The following ELL variants were observed in gnomAD, a reference collection of about 807,000 sequenced individuals.
ELL encodes RNA polymerase II elongation factor ELL.
Under a neutral mutation model 64.0 loss-of-function variants are expected in ELL, and 18 were observed. That is an observed-to-expected ratio of 0.28 (90% CI 0.19 to 0.42). ELL has a LOEUF of 0.42. Ranked by LOEUF, ELL falls within the 10% of genes least tolerant of loss-of-function variation. The probability of loss-of-function intolerance (pLI) is 1.00; values close to 1 mark genes in which losing one functional copy is unlikely to be tolerated. For missense variants in ELL, 797 were observed against 870.4 expected (o/e 0.92, Z 1.06); for synonymous variants, 399 against 376.2 (o/e 1.06, Z -0.70).
intron 1 of ELL, among the ~76,000 whole-genome samples, chr19:18,495,486 C>T (rs1250232432): frequency 6.6e-6 from 1 of 152,228 alleles, no homozygotes; most frequent in Non-Finnish European, 1.5e-5. Context: ...CTGAGTAGCA[C>T]AGCTTGCAAC....
rs573386973 is a variant in ELL, at chr19:18,444,196, G to A, written c.*556C>T. 4 of 231,438 alleles carry A rather than the reference G, an allele frequency of 1.7e-5. No homozygotes were observed. The highest frequency in any genetic ancestry group is 6.1e-5 in the East Asian group (1 of 16,360). 14.3% of individuals were successfully genotyped at this position (231,438 alleles called of 1,614,324 possible). A position where few individuals can be genotyped will look rare whatever the true frequency, so the allele number is the denominator to read the frequency against. On this transcript the variant is annotated 3_prime_UTR_variant, in exon 12 of 12. Transcript: ENST00000262809. ...AGGCTGGGGAAAGGGGTGCCTAAAC[G>A]TAGAGCCAGAGACCAGCAGAGGCCA...
At chr19:18,464,139 C>T (rs1024672699) in intron 4 of ELL, among the ~76,000 whole-genome samples, 11 of 152,142 alleles carry the variant, frequency 7.2e-5, no homozygotes, top group African/African-American at 2.2e-4. Context: ...GAGGCCCAGG[C>T]GAAAGGATCA....
intron 1 of ELL, among the ~76,000 whole-genome samples, chr19:18,520,378 T>C (rs974746521): frequency 2.0e-5 from 3 of 152,160 alleles, no homozygotes; most frequent in African/African-American, 4.8e-5. Context: ...TGGCTGGTCA[T>C]GGGCCAGCAG....
At chr19:18,461,451 G>C in intron 5 of ELL, 127 bp downstream of exon 5, 1 of 1,435,340 alleles carries the variant, frequency 7.0e-7, no homozygotes, top group South Asian at 1.4e-5. Context: ...CTGAACCTGT[G>C]AGAGACCCCA....
intron 2 of ELL, among the ~76,000 whole-genome samples, chr19:18,468,172 C>CAT: frequency 6.7e-6 from 1 of 150,228 alleles, no homozygotes; most frequent in Non-Finnish European, 1.5e-5. Context: ...CACACATAAC[C>CAT]ACACACACAA....
intron 1 of ELL, among the ~76,000 whole-genome samples, chr19:18,514,592 AG>A (rs1255687970): frequency 1.3e-5 from 2 of 151,808 alleles, no homozygotes; most frequent in African/African-American, 4.8e-5. Flanking sequence ...CTGCACCTGC[AG>A]GTCACAGGCC....
rs985110310 is a variant in ELL, at chr19:18,522,009, C to A, written c.47G>T (p.Arg16Leu). Residue 16 changes from arginine to leucine, a missense_variant, in exon 1 of 12, where the codon CGG (arginine) becomes CTG (leucine). By Grantham distance (102) the Arg-to-Leu change is moderately radical. Coordinates refer to ENST00000262809, the MANE Select transcript of ELL (RefSeq NM_006532.4). ...EDRSYGLSCG[R>L]VSDGSKVSVF... is the part of the protein sequence containing the mutation. ...CGACACCTTGCTGCCGTCGCTAACC[C>A]GCCCGCACGACAGCCCGTAGCTCCT... 1.2e-6 allele frequency: 2 copies of A among 1,611,212 alleles called. No homozygotes were observed. The highest frequency in any genetic ancestry group is 1.3e-5 in the African/African-American group (1 of 74,422).
intron 1 of ELL, among the ~76,000 whole-genome samples, chr19:18,521,394 G>C (rs1228827889): frequency 6.6e-6 from 1 of 152,044 alleles, no homozygotes; most frequent in Non-Finnish European, 1.5e-5. Context: ...CACCCAGACA[G>C]AACAGACCCC....
chr19:18,482,803 T>C (rs995358893), intron 1 of ELL, among the ~76,000 whole-genome samples: 2 of 120,064 alleles, frequency 1.7e-5, no homozygotes, highest in African/African-American at 3.8e-5. Context: ...GTTGCTGCTG[T>C]TGTTTTGAGA....
chr19:18,444,675 T>C lies in ELL; in HGVS notation c.*77A>G. ...CTCAGATGAGCATCTTCCTCGGGTTTATTTTTTTAAATAAATCCTCTCTCA... is the reference window on the plus strand; with the variant it reads ...CTCAGATGAGCATCTTCCTCGGGTTCATTTTTTTAAATAAATCCTCTCTCA... On this transcript the variant is annotated 3_prime_UTR_variant, in exon 12 of 12. Coordinates refer to ENST00000262809, the MANE Select transcript of ELL (RefSeq NM_006532.4). 1 of 1,441,388 alleles carries C rather than the reference T, an allele frequency of 6.9e-7. No homozygotes were observed. The highest frequency in any genetic ancestry group is 9.4e-7 in the Non-Finnish European group (1 of 1,068,652). The allele number at this position is 1,441,388 out of a possible 1,614,324, so 89.3% of individuals were successfully genotyped here.
chr19:18,497,409 G>A (rs78596007), intron 1 of ELL, among the ~76,000 whole-genome samples: 4,152 of 152,224 alleles, frequency 0.027, 100 homozygotes, highest in Middle Eastern at 0.078. Context: ...GGATTTTTGG[G>A]GCAGTGACAT....
At chr19:18,479,932 G>A (rs1975262084) in intron 1 of ELL, among the ~76,000 whole-genome samples, 1 of 152,074 alleles carries the variant, frequency 6.6e-6, no homozygotes, top group African/African-American at 2.4e-5. Flanking sequence ...CCACCCTCCA[G>A]AAGCACCCAC....
chr19:18,510,102 T>TCAC (rs1364495053), intron 1 of ELL, among the ~76,000 whole-genome samples: 2 of 152,208 alleles, frequency 1.3e-5, no homozygotes, highest in Non-Finnish European at 2.9e-5. Context: ...GCACGATGGC[T>TCAC]CACGCCTGTA....
chr19:18,509,202 G>A (rs1290432972), intron 1 of ELL, among the ~76,000 whole-genome samples: 1 of 152,092 alleles, frequency 6.6e-6, no homozygotes, highest in Non-Finnish European at 1.5e-5. Flanking sequence ...CTGTGAACCA[G>A]GCGCCCTGAT....
chr19:18,477,888 C>T (rs1040336632), intron 1 of ELL, among the ~76,000 whole-genome samples: 2 of 152,156 alleles, frequency 1.3e-5, no homozygotes, highest in Middle Eastern at 3.4e-3. Context: ...TCATTCAAGG[C>T]ATAAATTACG....
At chr19:18,467,631 CCACACA>C (rs56351300) in intron 2 of ELL, among the ~76,000 whole-genome samples, 12,605 of 66,800 alleles carry the variant, frequency 0.19, 1,528 homozygotes, top group Middle Eastern at 0.24. Flanking sequence ...CACCACACAA[CCACACA>C]CACACACACA....
At chr19:18,490,185 C>T (rs958311306) in intron 1 of ELL, among the ~76,000 whole-genome samples, 4 of 152,206 alleles carry the variant, frequency 2.6e-5, no homozygotes, top group African/African-American at 7.2e-5. Context: ...TATTCTGTGA[C>T]GTTTCTGCCA....
chr19:18,507,453 C>T (rs76378676), intron 1 of ELL, among the ~76,000 whole-genome samples: 4 of 152,364 alleles, frequency 2.6e-5, no homozygotes, highest in Non-Finnish European at 5.9e-5. Context: ...AATCTGCACA[C>T]GGCACTTGCC....
intron 1 of ELL, among the ~76,000 whole-genome samples, chr19:18,520,836 A>T (rs913691730): frequency 1.3e-5 from 2 of 151,674 alleles, no homozygotes; most frequent in African/African-American, 4.8e-5. Context: ...CAATTTCCAG[A>T]AAAGGAGTTA....
Sources: gnomAD v4.1 joint callset for allele counts (sites outside exome capture counted in the v4.1 genomes callset) on GRCh38, gnomAD v4.1.1 for gene constraint, MANE v1.5 for transcripts, NCBI Gene and HGNC (gene_info 2026-07-23, HGNC 2026-07-21) for gene names.